Variants in MB21D2 observed in about 807,000 individuals in gnomAD.
The protein encoded by MB21D2 is nucleotidyltransferase MB21D2.
Under a neutral mutation model 33.3 loss-of-function variants are expected in MB21D2, and 9 were observed. The ratio of observed to expected loss-of-function variants is 0.27; its 90% CI spans 0.16 to 0.47. MB21D2 has a LOEUF of 0.47. Among genes scored for constraint, MB21D2 ranks in the 20% least tolerant of loss-of-function variants. The probability of loss-of-function intolerance (pLI) is 0.99; values close to 1 mark genes in which losing one functional copy is unlikely to be tolerated. For synonymous variants in MB21D2, 241 were observed against 236.3 expected, an observed-to-expected ratio of 1.02 and a Z score of -0.18; for missense variants, 540 against 624.6, an observed-to-expected ratio of 0.86 and a Z score of 1.44.
chr3:192,860,816 G>A (rs561193936), intron 1 of MB21D2, among the ~76,000 whole-genome samples: 1 of 152,318 alleles, frequency 6.6e-6, no homozygotes, highest in African/African-American at 2.4e-5. Flanking sequence ...AGACACCACA[G>A]AGGAACCCAA....
chr3:192,808,258 A>G (rs1711708512), intron 1 of MB21D2, among the ~76,000 whole-genome samples: 1 of 152,232 alleles, frequency 6.6e-6, no homozygotes, highest in Non-Finnish European at 1.5e-5. Flanking sequence ...CAGCTCCCAC[A>G]CTAATCAGAT....
At chr3:192,801,529 T>C (rs1361793446) in intron 1 of MB21D2, among the ~76,000 whole-genome samples, 1 of 152,146 alleles carries the variant, frequency 6.6e-6, no homozygotes, top group African/African-American at 2.4e-5. Context: ...CTGTGGTAGG[T>C]GATCAGGCGT....
chr3:192,817,097 C>T (rs1469736940), intron 1 of MB21D2, among the ~76,000 whole-genome samples: 2 of 152,108 alleles, frequency 1.3e-5, no homozygotes, highest in African/African-American at 4.8e-5. Context: ...ATAAATATTC[C>T]AATACTTTTT....
intron 1 of MB21D2, among the ~76,000 whole-genome samples, chr3:192,894,912 T>C (rs1363888161): frequency 6.6e-6 from 1 of 152,204 alleles, no homozygotes; most frequent in Non-Finnish European, 1.5e-5. Context: ...AGACAAACAT[T>C]GATAAAGAAA....
Position 192,798,520 on chromosome 3 carries a change from T to C in MB21D2, c.1342A>G (p.Asn448Asp), listed in dbSNP as rs1226011285. The change falls in exon 2 of 2, where the codon AAC (asparagine) becomes GAC (aspartate). Residue 448 changes from asparagine (N) to aspartate (D), a missense_variant. By Grantham distance (23) the Asn-to-Asp change is conservative. Transcript: ENST00000392452. The surrounding 1 kb of genome is among the most constrained non-coding windows in gnomAD (Gnocchi z 4.8). The stretch of plus-strand genomic sequence containing the variant: ...TTTGCCAAACGGTCATCAGGCTGGT[T>C]GGGGTCCCCTCCGTCAGACTGTGGA... The part of the protein sequence containing the change: ...PSPQSDGGDP[N>D]QPDDRLAKKL... The C allele has an allele frequency of 6.2e-7, 1 of 1,614,162 alleles. No individual in the cohort carries two copies. The highest frequency in any genetic ancestry group is 1.1e-5 in the South Asian group (1 of 91,084).
intron 1 of MB21D2, among the ~76,000 whole-genome samples, chr3:192,878,678 G>C (rs1175166629): frequency 1.3e-5 from 2 of 152,180 alleles, no homozygotes; most frequent in African/African-American, 4.8e-5. Context: ...GTTTTGTGCT[G>C]AAGAGCAGGC....
chr3:192,870,699 G>GAAGAAAAAAAAAA (rs1553859970), intron 1 of MB21D2, among the ~76,000 whole-genome samples: 2 of 41,662 alleles, frequency 4.8e-5, no homozygotes, highest in African/African-American at 1.1e-4. Context: ...CGACTCCGTT[G>GAAGAAAAAAAAAA]AAAAAAAAAA....
rs985877171 is a variant in MB21D2, at chr3:192,880,979, A to T, written c.211+36651T>A. ...AATTATAAAGAATGTACACACAAAC[A>T]TATATATTTATATACACATCTATAT... On this transcript the variant is annotated intron_variant, in intron 1 of 1. Transcript: ENST00000392452. 5.9e-4 allele frequency among the ~76,000 whole-genome samples: 90 copies of T among 151,808 alleles called. 1 individual carries two copies. The highest frequency in any genetic ancestry group is 2.1e-3 in the Admixed American group (32 of 15,294).
chr3:192,804,482 A>G (rs1229613005), intron 1 of MB21D2, among the ~76,000 whole-genome samples: 1 of 152,088 alleles, frequency 6.6e-6, no homozygotes, highest in Admixed American at 6.6e-5. Context: ...TTGAAGGGAG[A>G]AAGGTTTATA....
At chr3:192,850,246 A>G (rs962199403) in intron 1 of MB21D2, among the ~76,000 whole-genome samples, 2 of 152,192 alleles carry the variant, frequency 1.3e-5, no homozygotes, top group African/African-American at 4.8e-5. Flanking sequence ...GGTTCCACTA[A>G]GAAAAGACTA....
intron 1 of MB21D2, among the ~76,000 whole-genome samples, chr3:192,833,923 T>G (rs1712374719): frequency 6.6e-6 from 1 of 152,076 alleles, no homozygotes; most frequent in African/African-American, 2.4e-5. Context: ...GCTAATCCCA[T>G]CCTCCCCTGT....
At chr3:192,857,489 A>G (rs951228204) in intron 1 of MB21D2, among the ~76,000 whole-genome samples, 1 of 152,216 alleles carries the variant, frequency 6.6e-6, no homozygotes, top group Non-Finnish European at 1.5e-5. Flanking sequence ...GGAGCCGAGC[A>G]CAGCCTAGAG....
intron 1 of MB21D2, among the ~76,000 whole-genome samples, chr3:192,841,767 C>G (rs1378658394): frequency 6.6e-6 from 1 of 152,218 alleles, no homozygotes; most frequent in African/African-American, 2.4e-5. Flanking sequence ...CAATAGGTAA[C>G]TAATAATACA....
At chr3:192,894,013 G>C (rs929563985) in intron 1 of MB21D2, among the ~76,000 whole-genome samples, 1 of 152,036 alleles carries the variant, frequency 6.6e-6, no homozygotes, top group Non-Finnish European at 1.5e-5. Context: ...CCAGCCTAGG[G>C]AACAGAGACA....
At chr3:192,872,500 C>T (rs1488543086) in intron 1 of MB21D2, among the ~76,000 whole-genome samples, 7 of 151,238 alleles carry the variant, frequency 4.6e-5, no homozygotes, top group South Asian at 2.1e-4. Flanking sequence ...GGCGTGAACC[C>T]GGGAGGCGGA....
chr3:192,863,836 C>A (rs1173239568), intron 1 of MB21D2, among the ~76,000 whole-genome samples: 3 of 152,152 alleles, frequency 2.0e-5, no homozygotes, highest in Non-Finnish European at 4.4e-5. Context: ...GTCTGTGAAC[C>A]AGGAAAGGGA....
intron 1 of MB21D2, among the ~76,000 whole-genome samples, chr3:192,901,227 C>T (rs1055085911): frequency 6.6e-6 from 1 of 151,944 alleles, no homozygotes; most frequent in East Asian, 1.9e-4. Flanking sequence ...TCTACATTGT[C>T]CAGATAGTTC....
intron 1 of MB21D2, among the ~76,000 whole-genome samples, chr3:192,823,157 GTTTA>G (rs2108617103): frequency 6.6e-6 from 1 of 152,236 alleles, no homozygotes; most frequent in African/African-American, 2.4e-5. Flanking sequence ...CTATGTTCTA[GTTTA>G]TTTACAGGTG....
At chr3:192,914,986 G>C (rs965459561) in intron 1 of MB21D2, among the ~76,000 whole-genome samples, 8 of 152,208 alleles carry the variant, frequency 5.3e-5, no homozygotes, top group East Asian at 1.9e-4. Context: ...TACACAAAAA[G>C]AGAGTAACAT....
Sources: allele counts gnomAD v4.1 joint callset (sites outside exome capture counted in the v4.1 genomes callset), GRCh38; gene constraint gnomAD v4.1.1; non-coding constraint Gnocchi (gnomAD v3.1); transcripts MANE v1.5; gene names NCBI Gene and HGNC (gene_info 2026-07-23, HGNC 2026-07-21).